The following DDX49 variants were observed in gnomAD, a reference collection of about 807,000 sequenced individuals.
DDX49 encodes DEAD-box helicase 49.
DDX49 carries 50 observed loss-of-function variants against 56.3 expected under a neutral mutation model. The observed-to-expected ratio is 0.89, with a 90% CI of 0.71 to 1.12. DDX49 has a LOEUF of 1.12. Ranked by LOEUF, DDX49 falls within the 50% of genes most tolerant of loss-of-function variation. DDX49 has a pLI of 0.00. For missense variants in DDX49, 614 were observed against 650.5 expected (o/e 0.94, Z 0.61); for synonymous variants, 269 against 270.6 (o/e 0.99, Z 0.06).
At chr19:18,925,203 A>ATCACTT (rs1601254229) in intron 9 of DDX49, 24 of 576,422 alleles carry the variant, frequency 4.2e-5, no homozygotes, top group Non-Finnish European at 7.0e-5. Context: ...CGGCAAGCTG[A>ATCACTT]GAATGCACTA....
rs1252085064 is a variant in DDX49 at position 18,928,186 on chromosome 19, G to C, written c.1322G>C (p.Arg441Pro). The C allele has an allele frequency of 6.3e-7, 1 of 1,584,824 alleles. No homozygotes were observed. The highest frequency in any genetic ancestry group is 8.6e-7 in the Non-Finnish European group (1 of 1,165,606). Residue 441 changes from arginine to proline, a missense_variant, in exon 13 of 13, where the codon CGG (arginine) becomes CCG (proline). Transcript: ENST00000247003. Reference protein sequence around the residue: ...AELAKIKQKNRRFKEKVEETL... With the variant: ...AELAKIKQKNPRFKEKVEETL... Reference sequence around the variant, plus strand: ...CTGGCCAAGATCAAGCAGAAGAACCGGCGCTTCAAGGAGAAGGTGGAGGAG... The same window carrying C: ...CTGGCCAAGATCAAGCAGAAGAACCCGCGCTTCAAGGAGAAGGTGGAGGAG...
intron 2 of DDX49, among the ~76,000 whole-genome samples, chr19:18,921,452 C>T (rs1473068914): frequency 2.0e-5 from 3 of 152,060 alleles, no homozygotes; most frequent in Non-Finnish European, 4.4e-5. Flanking sequence ...CAGCTTGGGT[C>T]GGGCTGGTGA....
chr19:18,925,117 G>C, intron 9 of DDX49, 138 bp downstream of exon 9: 3 of 1,157,422 alleles, frequency 2.6e-6, no homozygotes. Flanking sequence ...TTGGGGAGTT[G>C]TCCTTTCTAA....
chr19:18,922,580 G>C lies in DDX49; in HGVS notation c.636-24G>C, dbSNP rs369552149. The C allele has an allele frequency of 7.5e-6, 12 of 1,603,746 alleles. No homozygotes were observed. The African/African-American group carries it at 1.6e-4, about 21-fold the overall frequency. On this transcript the variant is annotated intron_variant, in intron 5 of 12. Transcript: ENST00000247003. ...CCTACAGACAGGGACACTGAGGCGT[G>C]GCGGTCTATCTGTCCATCCCCAGGG...
At position 18,924,698 on chromosome 19, in the gene DDX49, C is replaced by T. The variant is rs763850904; in HGVS notation, c.928C>T (p.Arg310Trp). Residue 310 changes from arginine (R) to tryptophan (W), a missense_variant and splice_region_variant, in exon 8 of 13, where the codon CGG becomes TGG. Physicochemically the swap from Arg to Trp is moderately radical, Grantham distance 101. Transcript: ENST00000247003. ...RILIATDVAS[R>W]GLDIPTVQVV... ...CCTGATCGCAACAGACGTGGCCTCC[C>T]GGTGAGCAGCCCCCAGTCTCCTGCC... 11 of 1,614,204 alleles carry T rather than the reference C, an allele frequency of 6.8e-6. No homozygotes were observed. Among genetic ancestry groups the T allele is most frequent in the Middle Eastern group, 3.3e-4 (2 of 6,062 alleles).
At position 18,928,142 on chromosome 19, in the gene DDX49, G is replaced by A. The variant is rs1395612007; in HGVS notation, c.1278G>A (p.Glu426=). 1.2e-6 allele frequency: 2 copies of A among 1,605,402 alleles called. No homozygotes were observed. The highest frequency in any genetic ancestry group is 1.7e-6 in the Non-Finnish European group (2 of 1,175,914). ...CCCTGTGCCAGGACCCTGACCTGGAGGCCAAGCGCAAGGCTGAGCTGGCCA... is the reference window on the plus strand; with the variant it reads ...CCCTGTGCCAGGACCCTGACCTGGAAGCCAAGCGCAAGGCTGAGCTGGCCA... ...LILEGKDPDL[E]AKRKAELAKI... is the part of the protein sequence containing the mutation. The change falls in exon 13 of 13, where the codon GAG becomes GAA. Residue 426 remains glutamate (E), a synonymous_variant. Coordinates refer to ENST00000247003, the MANE Select transcript of DDX49 (RefSeq NM_019070.5).
In DDX49 at chr19:18,928,195, A is replaced by C; in HGVS notation, c.1331A>C (p.Lys444Thr). The C allele has an allele frequency of 2.5e-6, 4 of 1,585,972 alleles. No individual in the cohort carries two copies. Among genetic ancestry groups the C allele is most frequent in the Non-Finnish European group, 3.4e-6 (4 of 1,166,172 alleles). ...AKIKQKNRRFKEKVEETLKRQ... is the reference protein window; with the variant it reads ...AKIKQKNRRFTEKVEETLKRQ... ...ATCAAGCAGAAGAACCGGCGCTTCA[A>C]GGAGAAGGTGGAGGAGACGCTGAAG... is the stretch of plus-strand genomic sequence containing the variant. The change falls in exon 13 of 13, where the codon AAG (lysine) becomes ACG (threonine). Residue 444 changes from lysine (K) to threonine (T), a missense_variant. Coordinates refer to ENST00000247003, the MANE Select transcript of DDX49 (RefSeq NM_019070.5).
Position 18,922,504 on chromosome 19 carries a change from C to T in DDX49, c.626C>T (p.Ala209Val). The T allele has an allele frequency of 6.2e-7, 1 of 1,600,278 alleles. No individual in the cohort carries two copies. The highest frequency in any genetic ancestry group is 8.5e-7 in the Non-Finnish European group (1 of 1,176,120). Reference sequence around the variant, plus strand: ...ACCAACCAGCCCTTCTTCTGGGAAGCACAGGCCCCGTGAGTCCACAGCCCA... The same window carrying T: ...ACCAACCAGCCCTTCTTCTGGGAAGTACAGGCCCCGTGAGTCCACAGCCCA... ...LATNQPFFWEAQAPVSTVEQL... is the reference protein window; with the variant it reads ...LATNQPFFWEVQAPVSTVEQL... Residue 209 changes from alanine (A) to valine (V), a missense_variant, in exon 5 of 13, where the codon GCA becomes GTA. Coordinates refer to ENST00000247003, the MANE Select transcript of DDX49 (RefSeq NM_019070.5).
At position 18,928,431 on chromosome 19, in the gene DDX49, A is replaced by C; in HGVS notation, c.*115A>C. On this transcript the variant is annotated 3_prime_UTR_variant, in exon 13 of 13. Coordinates refer to ENST00000247003, the MANE Select transcript of DDX49 (RefSeq NM_019070.5). ...GGCCTACCCAGTGCCCCACAGCAGA[A>C]CCCGTGGGCGCTCGTGTTGTGCGGG... is the stretch of plus-strand genomic sequence containing the variant. 9.4e-7 allele frequency: 1 copy of C among 1,060,632 alleles called. No individual in the cohort carries two copies. Among genetic ancestry groups the C allele is most frequent in the Non-Finnish European group, 1.3e-6 (1 of 759,392 alleles). The allele number at this position is 1,060,632 out of a possible 1,614,324, so 65.7% of individuals were successfully genotyped here. A position where few individuals can be genotyped will look rare whatever the true frequency, so the allele number is the denominator to read the frequency against.
intron 6 of DDX49, 75 bp from the exon 7 acceptor site, chr19:18,924,156 CAG>C (rs754972180): frequency 1.1e-4 from 162 of 1,450,962 alleles, no homozygotes; most frequent in Admixed American, 5.4e-4. Flanking sequence ...CTAGGTGTCT[CAG>C]GGGCGGGTGG....
intron 9 of DDX49, 80 bp downstream of exon 9, chr19:18,925,059 G>A: frequency 1.3e-6 from 2 of 1,525,066 alleles, no homozygotes; most frequent in Non-Finnish European, 8.8e-7. Context: ...TAGGACGTGG[G>A]TAGGGTGCAG....
chr19:18,928,051 C>T lies in DDX49; in HGVS notation c.1263+15C>T, dbSNP rs752012128. ...TGGAGGGGAAGGTGAGGGCCGAGCCCGCAGGTAGGGGGTGGGTGGCCAGGT... is the reference window on the plus strand; with the variant it reads ...TGGAGGGGAAGGTGAGGGCCGAGCCTGCAGGTAGGGGGTGGGTGGCCAGGT... On this transcript the variant is annotated intron_variant, in intron 12 of 12. Transcript: ENST00000247003. 25 of 1,613,446 alleles carry T rather than the reference C, an allele frequency of 1.5e-5. No individual in the cohort carries two copies. The highest frequency in any genetic ancestry group is 4.4e-5 in the South Asian group (4 of 91,070).
At chr19:18,923,766 G>A (rs188072408) in intron 6 of DDX49, among the ~76,000 whole-genome samples, 14 of 151,562 alleles carry the variant, frequency 9.2e-5, no homozygotes, top group African/African-American at 3.1e-4. Flanking sequence ...TCAGCAGAGA[G>A]GACATCAGGC....
chr19:18,924,543 C>T (rs545694455), intron 7 of DDX49, 80 bp from the exon 8 acceptor site: 36 of 1,488,190 alleles, frequency 2.4e-5, no homozygotes, highest in Middle Eastern at 1.7e-4. Context: ...GGGACTGTCC[C>T]GGCCTCCACC....
chr19:18,927,722 A>C, intron 10 of DDX49, 44 bp from the exon 11 acceptor site: 3 of 1,555,850 alleles, frequency 1.9e-6, no homozygotes, highest in Non-Finnish European at 2.7e-6. Flanking sequence ...TCTCCATGTC[A>C]CGTCTCCTCC....
In DDX49 at chr19:18,921,708, G is replaced by A; in HGVS notation, c.285G>A (p.Lys95=). 6.2e-7 allele frequency: 1 copy of A among 1,614,166 alleles called. No individual in the cohort carries two copies. The highest frequency in any genetic ancestry group is 8.5e-7 in the Non-Finnish European group (1 of 1,180,024). The change falls in exon 3 of 13, where the codon AAG becomes AAA. Residue 95 remains lysine (K), a synonymous_variant. Transcript: ENST00000247003. ...CAGAGCAGTTCCGGGTCCTGGGGAA[G>A]CCTCTAGGGCTGAAAGACTGCATCA... ...QIAEQFRVLG[K]PLGLKDCIIV... is the part of the protein sequence containing the mutation.
At position 18,928,441 on chromosome 19, in the gene DDX49, G is replaced by A. The variant is rs1309529415; in HGVS notation, c.*125G>A. On this transcript the variant is annotated 3_prime_UTR_variant, in exon 13 of 13. Coordinates refer to ENST00000247003, the MANE Select transcript of DDX49 (RefSeq NM_019070.5). ...GTGCCCCACAGCAGAACCCGTGGGCGCTCGTGTTGTGCGGGCCCTGCTCCT... is the reference window on the plus strand; with the variant it reads ...GTGCCCCACAGCAGAACCCGTGGGCACTCGTGTTGTGCGGGCCCTGCTCCT... 7 of 975,504 alleles carry A rather than the reference G, an allele frequency of 7.2e-6. No homozygotes were observed. The highest frequency in any genetic ancestry group is 3.3e-4 in the Middle Eastern group (1 of 3,028). 60.4% of individuals were successfully genotyped at this position (975,504 alleles called of 1,614,324 possible).
chr19:18,921,978 G>T lies in DDX49; in HGVS notation c.447+14G>T. 6.3e-7 allele frequency: 1 copy of T among 1,598,760 alleles called. No homozygotes were observed. The highest frequency in any genetic ancestry group is 1.1e-5 in the South Asian group (1 of 90,076). ...ATCCGCTTCCTGGTGAGTTCGCCCC[G>T]CCCCTGCAGACCTCAGGAGCTGGGC... is the stretch of plus-strand genomic sequence containing the variant. On this transcript the variant is annotated intron_variant, in intron 4 of 12. Coordinates refer to ENST00000247003, the MANE Select transcript of DDX49 (RefSeq NM_019070.5).
At chr19:18,921,511 G>A in intron 2 of DDX49, 152 bp from the exon 3 acceptor site, 2 of 719,144 alleles carry the variant, frequency 2.8e-6, no homozygotes, top group South Asian at 1.7e-5. Context: ...GGGCCACAAT[G>A]GCCTCCAAGG....
Sources: allele counts gnomAD v4.1 joint callset (sites outside exome capture counted in the v4.1 genomes callset), GRCh38; gene constraint gnomAD v4.1.1; transcripts MANE v1.5; gene names NCBI Gene and HGNC (gene_info 2026-07-23, HGNC 2026-07-21).